MOBP: variants seen among roughly 807,000 people sequenced by gnomAD.
The protein encoded by MOBP is myelin associated oligodendrocyte basic protein.
A neutral mutation model predicts 15.0 loss-of-function variants in MOBP; 5 were observed. That is an observed-to-expected ratio of 0.33 (90% CI 0.17 to 0.70). The LOEUF (loss-of-function observed/expected upper bound fraction) is 0.70. Among genes scored for constraint, MOBP ranks in the 30% least tolerant of loss-of-function variants. MOBP has a pLI of 0.67. For synonymous variants in MOBP, 88 were observed against 99.0 expected (o/e 0.89, Z 0.66); for missense variants, 188 against 257.8 (o/e 0.73, Z 1.85).
chr3:39,500,792 AG>A (rs2042958577), intron 2 of MOBP, among the ~76,000 whole-genome samples: 1 of 152,254 alleles, frequency 6.6e-6, no homozygotes, highest in South Asian at 2.1e-4. Context: ...GGGCATCATG[AG>A]TATGTTAAAA....
intron 2 of MOBP, among the ~76,000 whole-genome samples, chr3:39,496,816 A>G (rs904261184): frequency 1.3e-5 from 2 of 152,118 alleles, no homozygotes; most frequent in African/African-American, 2.4e-5. Flanking sequence ...GGAATGCACC[A>G]CCATGCCCAA....
chr3:39,488,249 T>C (rs2042745065), intron 2 of MOBP, among the ~76,000 whole-genome samples: 1 of 152,210 alleles, frequency 6.6e-6, no homozygotes, highest in African/African-American at 2.4e-5. Flanking sequence ...TGCCTTTCTC[T>C]CTTGTGATTT....
At position 39,499,954 on chromosome 3, in the gene MOBP, G is replaced by T. The variant is rs75476518; in HGVS notation, c.-4-2112G>T. 2,137 of 449,628 alleles carry T rather than the reference G, an allele frequency of 4.8e-3. 38 individuals carry two copies. The highest frequency in any genetic ancestry group is 0.039 in the African/African-American group (1,943 of 49,862). 27.9% of individuals were successfully genotyped at this position (449,628 alleles called of 1,614,324 possible). The stretch of plus-strand genomic sequence containing the variant: ...ACCTTGTTCTCTAGCCCAACATATT[G>T]CCCTCTCTTCTGTGGACTTTTCATG... On this transcript the variant is annotated intron_variant, in intron 2 of 3. Coordinates refer to ENST00000684792, the MANE Select transcript of MOBP (RefSeq NM_001393704.1).
At chr3:39,513,062 A>G (rs768204919) in intron 4 of MOBP, among the ~76,000 whole-genome samples, 2 of 152,204 alleles carry the variant, frequency 1.3e-5, no homozygotes, top group African/African-American at 2.4e-5. Context: ...TATTTTTTCC[A>G]GGAGTGGGTG....
chr3:39,498,168 T>C (rs753196841), intron 2 of MOBP, among the ~76,000 whole-genome samples: 31 of 152,338 alleles, frequency 2.0e-4, no homozygotes, highest in Admixed American at 8.5e-4. Context: ...TGGTGTGTTA[T>C]AAAACGATGA....
exon 5 of MOBP, chr3:39,514,660 CT>C (rs2043172177): frequency 6.6e-6 from 1 of 152,308 alleles, no homozygotes; most frequent in African/African-American, 2.4e-5. Context: ...ATTTCTCTCT[CT>C]GTGTAGGAGG....
At chr3:39,499,195 CTTCATTAT>C (rs1320996338) in intron 2 of MOBP, among the ~76,000 whole-genome samples, 1 of 152,126 alleles carries the variant, frequency 6.6e-6, no homozygotes, top group Non-Finnish European at 1.5e-5. Context: ...AAGTGTTTCA[CTTCATTAT>C]TTCCCATGGG....
chr3:39,507,686 TC>T (rs2043064978), downstream of MOBP, among the ~76,000 whole-genome samples: 1 of 152,172 alleles, frequency 6.6e-6, no homozygotes, highest in Non-Finnish European at 1.5e-5. Flanking sequence ...AATCATTTGT[TC>T]TTAAGGAGCT....
chr3:39,505,264 A>T (rs1410189158), downstream of MOBP, among the ~76,000 whole-genome samples: 1 of 152,164 alleles, frequency 6.6e-6, no homozygotes, highest in African/African-American at 2.4e-5. Flanking sequence ...ATTTGGAGTC[A>T]ATCAGTCACA....
rs1157650454 is a variant in MOBP at position 39,502,810 on chromosome 3, G to A, written c.482G>A (p.Arg161His). 7.2e-6 allele frequency: 11 copies of A among 1,532,940 alleles called. No homozygotes were observed. Among genetic ancestry groups the A allele is most frequent in the African/African-American group, 1.4e-5 (1 of 72,978 alleles). The allele number at this position is 1,532,940 out of a possible 1,614,324, so 95.0% of individuals were successfully genotyped here. Residue 161 changes from arginine to histidine, a missense_variant, in exon 4 of 4, where the codon CGC becomes CAC. Around this residue, in one of 2 missense-constraint regions of MOBP, gnomAD observed 55 missense variants for 45.2 expected, o/e 1.22. Transcript: ENST00000684792. This position sits in a 1 kb window ranked among gnomAD's most constrained non-coding sequence, Gnocchi z 6.3. ...CCTCAGAAGTCCAAGCAACAGCCGCGCAGCAGCCCCCTCAGAGGGCCAGGC... is the reference window on the plus strand; with the variant it reads ...CCTCAGAAGTCCAAGCAACAGCCGCACAGCAGCCCCCTCAGAGGGCCAGGC... The part of the protein sequence containing the change: ...RPPQKSKQQP[R>H]SSPLRGPGAS...
At chr3:39,513,330 G>A in intron 4 of MOBP, 1 of 1,487,368 alleles carries the variant, frequency 6.7e-7, no homozygotes. Flanking sequence ...AAGAGAGAGA[G>A]TATACATCAC....
intron 1 of MOBP, among the ~76,000 whole-genome samples, chr3:39,468,808 G>GTGTGTGTATATATACATA (rs2042391247): frequency 8.7e-5 from 6 of 68,990 alleles, no homozygotes; most frequent in South Asian, 7.1e-4. Flanking sequence ...ATATACATAT[G>GTGTGTGTATATATACATA]TGTGTGTATA....
downstream of MOBP, chr3:39,526,287 C>T (rs1224081895): frequency 6.6e-6 from 1 of 152,126 alleles, no homozygotes; most frequent in African/African-American, 2.4e-5. Flanking sequence ...TAGATATTAG[C>T]CCAGAAATGT....
At chr3:39,523,924 C>T (rs113878189) in intron 3 of MOBP, among the ~76,000 whole-genome samples, 150 of 152,252 alleles carry the variant, frequency 9.9e-4, no homozygotes, top group South Asian at 7.3e-3. Flanking sequence ...TCCCCCACAG[C>T]GCAATTGTAC....
downstream of MOBP, among the ~76,000 whole-genome samples, chr3:39,506,939 ACT>A (rs1375862584): frequency 6.6e-6 from 1 of 151,484 alleles, no homozygotes; most frequent in Non-Finnish European, 1.5e-5. Context: ...CAGTCTTTAA[ACT>A]CTCTGTTCTC....
chr3:39,499,664 T>C (rs2042941732), intron 2 of MOBP: 1 of 194,176 alleles, frequency 5.1e-6, no homozygotes. Context: ...TCATTGTGTC[T>C]CAGACCCATG....
rs1401775447 is a variant in MOBP, at chr3:39,468,801, T to TAC, written c.-89+1063_-89+1064dup. 1.6e-5 allele frequency among the ~76,000 whole-genome samples: 2 copies of TAC among 121,990 alleles called. 1 individual carries two copies. Among genetic ancestry groups the TAC allele is most frequent in the Non-Finnish European group, 3.2e-5 (2 of 61,680 alleles). The allele number at this position is 121,990 out of a possible 152,430, so 80.0% of individuals were successfully genotyped here. On this transcript the variant is annotated intron_variant, in intron 1 of 3. Transcript: ENST00000684792. ...ACATATATACATGTGTGTGTATATA[T>TAC]ACATATGTGTGTGTATACATATTAC...
downstream of MOBP, among the ~76,000 whole-genome samples, chr3:39,504,585 C>A (rs950011342): frequency 9.2e-5 from 14 of 152,238 alleles, no homozygotes; most frequent in African/African-American, 3.1e-4. Context: ...TACCTGGGAA[C>A]AGAGGATCTG....
At chr3:39,496,088 CTG>C (rs1440108396) in intron 2 of MOBP, among the ~76,000 whole-genome samples, 3 of 151,900 alleles carry the variant, frequency 2.0e-5, no homozygotes, top group Non-Finnish European at 4.4e-5. Flanking sequence ...TTTTTATTAA[CTG>C]TATATTTACA....
Sources: gnomAD v4.1 joint callset for allele counts (sites outside exome capture counted in the v4.1 genomes callset) on GRCh38, gnomAD v4.1.1 for gene constraint, gnomAD v4.1.1 regional missense constraint, Gnocchi (gnomAD v3.1) non-coding constraint, MANE v1.5 for transcripts, NCBI Gene and HGNC (gene_info 2026-07-23, HGNC 2026-07-21) for gene names.